Variants in PEX5 observed in about 807,000 individuals in gnomAD.
PEX5 encodes the protein peroxisomal biogenesis factor 5, also known as PTS1 receptor.
Under a neutral mutation model 82.9 loss-of-function variants are expected in PEX5, and 52 were observed. The observed-to-expected ratio is 0.63, with a 90% CI of 0.50 to 0.79. PEX5 has a LOEUF of 0.79. Ranked by LOEUF, PEX5 falls within the 30% of genes least tolerant of loss-of-function variation. The pLI, the probability that PEX5 is intolerant of heterozygous loss-of-function variation, is 0.00. For synonymous variants in PEX5, 300 were observed against 318.8 expected, an observed-to-expected ratio of 0.94 and a Z score of 0.63; for missense variants, 719 against 815.2, an observed-to-expected ratio of 0.88 and a Z score of 1.44.
chr12:7,209,661 C>T (rs752408298), intron 14 of PEX5, 22 bp from the exon 15 acceptor site: 2 of 1,125,106 alleles, frequency 1.8e-6, no homozygotes, highest in East Asian at 5.8e-5. Context: ...CTGTTCCCAT[C>T]CGTTCTGCAT....
At chr12:7,205,167 T>C (rs1944606655) in intron 10 of PEX5, among the ~76,000 whole-genome samples, 1 of 152,066 alleles carries the variant, frequency 6.6e-6, no homozygotes, top group Non-Finnish European at 1.5e-5. Flanking sequence ...AATACATTTT[T>C]TAATTAAAAA....
At chr12:7,199,209 C>CAT (rs1943277105) in intron 6 of PEX5, 96 bp downstream of exon 6, 4 of 396,776 alleles carry the variant, frequency 1.0e-5, no homozygotes, top group Non-Finnish European at 9.1e-6. Context: ...TTACTTTATT[C>CAT]TTTTTTTTTT....
At chr12:7,197,418 T>TAATTATATATGTCATACAATGTAATTA (rs1555176221) in intron 5 of PEX5, among the ~76,000 whole-genome samples, 1 of 28,892 alleles carries the variant, frequency 3.5e-5, no homozygotes, top group African/African-American at 8.0e-5. Context: ...TACAATGTAA[T>TAATTATATATGTCATACAATGTAATTA]TATATGTCAT....
intron 1 of PEX5, 92 bp from the exon 2 acceptor site, chr12:7,190,270 G>A: frequency 1.3e-6 from 2 of 1,587,588 alleles, no homozygotes; most frequent in Non-Finnish European, 1.7e-6. Flanking sequence ...TGGGGCAGAC[G>A]CCTGTGTGCC....
At chr12:7,200,217 G>A (rs1156513021) in intron 6 of PEX5, among the ~76,000 whole-genome samples, 8 of 150,164 alleles carry the variant, frequency 5.3e-5, no homozygotes, top group East Asian at 2.0e-4. Flanking sequence ...AGACGGGGTC[G>A]CGGCCAGGCA....
rs1337539717 is a variant in PEX5 at position 7,211,453 on chromosome 12, C to T, written c.*1230C>T. On this transcript the variant is annotated 3_prime_UTR_variant, in exon 16 of 16. Transcript: ENST00000675855. The stretch of plus-strand genomic sequence containing the variant: ...AAAATAAAACTGTAAAATATTTGTA[C>T]GAAGAATAAATGGAACTGATGTGGG... The T allele has an allele frequency of 1.3e-5, 2 of 151,928 alleles. No homozygotes were observed. Among genetic ancestry groups the T allele is most frequent in the Middle Eastern group, 3.2e-3 (1 of 316 alleles). The allele number at this position is 151,928 out of a possible 1,614,324, so 9.4% of individuals were successfully genotyped here. A position where few individuals can be genotyped will look rare whatever the true frequency, so the allele number is the denominator to read the frequency against.
rs375606946 is a variant in PEX5 at position 7,199,127 on chromosome 12, C to T, written c.551+14C>T. 1.1e-5 allele frequency: 16 copies of T among 1,462,176 alleles called. No individual in the cohort carries two copies. The highest frequency in any genetic ancestry group is 1.5e-5 in the Non-Finnish European group (16 of 1,055,024). The allele number at this position is 1,462,176 out of a possible 1,614,324, so 90.6% of individuals were successfully genotyped here. A position where few individuals can be genotyped will look rare whatever the true frequency, so the allele number is the denominator to read the frequency against. On this transcript the variant is annotated intron_variant, in intron 6 of 15. Coordinates refer to ENST00000675855, the MANE Select transcript of PEX5 (RefSeq NM_001351132.2). ...CACCGATCGCTGGTGAGTTCAGATA[C>T]CTCTTTCCGAATCCCGTGAAAGGAG...
intron 10 of PEX5, among the ~76,000 whole-genome samples, chr12:7,206,255 A>C (rs1193481542): frequency 6.6e-6 from 1 of 152,254 alleles, no homozygotes; most frequent in East Asian, 1.9e-4. Flanking sequence ...GTTGGAGAAA[A>C]TCAAAAGAGT....
intron 10 of PEX5, among the ~76,000 whole-genome samples, chr12:7,203,984 T>C (rs952564743): frequency 1.1e-5 from 1 of 93,110 alleles, no homozygotes; most frequent in African/African-American, 2.8e-5. Flanking sequence ...TAAGTTCTTA[T>C]CTTTTATAGG....
intron 5 of PEX5, among the ~76,000 whole-genome samples, chr12:7,192,193 A>G (rs1210621025): frequency 2.0e-5 from 3 of 152,236 alleles, no homozygotes; most frequent in Non-Finnish European, 2.9e-5. Flanking sequence ...CTTGTGTTAC[A>G]TGCTTTGAAT....
intron 2 of PEX5, 136 bp downstream of exon 2, chr12:7,190,660 T>C (rs2135884906): frequency 6.5e-7 from 1 of 1,541,670 alleles, no homozygotes; most frequent in Non-Finnish European, 8.8e-7. Context: ...TGGTCTGAGG[T>C]GGAGGGGCTG....
At chr12:7,199,209 CTT>C (rs5796268) in intron 6 of PEX5, 96 bp downstream of exon 6, 1,742 of 392,822 alleles carry the variant, frequency 4.4e-3, no homozygotes, top group East Asian at 0.021. Context: ...TTACTTTATT[CTT>C]TTTTTTTTTT....
At chr12:7,202,438 A>C (rs1047260135) in intron 8 of PEX5, 87 bp downstream of exon 8, 54 of 1,533,092 alleles carry the variant, frequency 3.5e-5, no homozygotes, top group Non-Finnish European at 4.5e-5. Context: ...CCAGATGGGG[A>C]AGGATAAGAC....
intron 1 of PEX5, 131 bp from the exon 2 acceptor site, chr12:7,190,230 CA>C: frequency 6.3e-7 from 1 of 1,585,752 alleles, no homozygotes; most frequent in Non-Finnish European, 8.5e-7. Context: ...GGGGTCGCAG[CA>C]AAAGCACTGG....
rs748956654 is a variant in PEX5 at position 7,210,102 on chromosome 12, C to T, written c.1799C>T (p.Ser600Leu). Residue 600 changes from serine to leucine, a missense_variant, in exon 16 of 16, where the codon TCG (serine) becomes TTG (leucine). Transcript: ENST00000675855. ...CCCCGGGGTGAAGGAGGTGCCATGTCGGAGAACATCTGGAGCACCCTGCGT... is the reference window on the plus strand; with the variant it reads ...CCCCGGGGTGAAGGAGGTGCCATGTTGGAGAACATCTGGAGCACCCTGCGT... ...RGPRGEGGAM[S>L]ENIWSTLRLA... is the part of the protein sequence containing the mutation. 6.2e-6 allele frequency: 10 copies of T among 1,614,188 alleles called. No individual in the cohort carries two copies. Among genetic ancestry groups the T allele is most frequent in the South Asian group, 1.1e-5 (1 of 91,080 alleles).
chr12:7,205,837 C>T (rs1045232103), intron 10 of PEX5, among the ~76,000 whole-genome samples: 1 of 152,182 alleles, frequency 6.6e-6, no homozygotes, highest in Non-Finnish European at 1.5e-5. Context: ...GTTGTATTAT[C>T]TAATGAAGAC....
chr12:7,207,912 T>G, intron 11 of PEX5, 98 bp from the exon 12 acceptor site: 1 of 1,521,694 alleles, frequency 6.6e-7, no homozygotes. Flanking sequence ...TGGCCTAGGA[T>G]AGGGGCTTGA....
At chr12:7,191,143 T>C (rs925788316) in intron 3 of PEX5, 83 bp from the exon 4 acceptor site, 74 of 1,493,326 alleles carry the variant, frequency 5.0e-5, no homozygotes, top group Non-Finnish European at 6.7e-5. Context: ...GTATCTAACA[T>C]TGGGATCCCC....
chr12:7,209,793 G>C lies in PEX5; in HGVS notation c.1671G>C (p.Arg557=). The C allele has an allele frequency of 6.2e-7, 1 of 1,614,186 alleles. No individual in the cohort carries two copies. The change falls in exon 15 of 16, where the codon CGG becomes CGC. Residue 557 remains arginine (R), a synonymous_variant. Coordinates refer to ENST00000675855, the MANE Select transcript of PEX5 (RefSeq NM_001351132.2). ...TCGAGCTCCAGCCTGGCTATATCCG[G>C]TCCCGCTATAACCTGGGCATCAGCT... is the stretch of plus-strand genomic sequence containing the variant. ...RALELQPGYI[R]SRYNLGISCI... is the part of the protein sequence containing the mutation.
Sources: allele counts gnomAD v4.1 joint callset (sites outside exome capture counted in the v4.1 genomes callset), GRCh38; gene constraint gnomAD v4.1.1; transcripts MANE v1.5; gene names NCBI Gene and HGNC (gene_info 2026-07-23, HGNC 2026-07-21).